Variants in NEU4 observed in about 807,000 individuals in gnomAD.
The protein encoded by NEU4 is sialidase-4.
Under a neutral mutation model 9.9 loss-of-function variants are expected in NEU4, and 7 were observed. That is an observed-to-expected ratio of 0.71 (90% confidence interval 0.40 to 1.33). The LOEUF is 1.33. NEU4 is among the 40% of genes most tolerant of loss of function. NEU4 has a pLI of 0.01. For synonymous variants in NEU4, 348 were observed against 316.9 expected (o/e 1.10, Z -1.04); for missense variants, 717 against 712.6 (o/e 1.01, Z -0.07).
In NEU4 at chr2:241,816,468, G is replaced by C; in HGVS notation, c.875G>C (p.Arg292Pro). ...GFPAPAPNRP[R>P]DDSWSVGPGS... ...CCAGCCCCCGCCCCCAACAGGCCACGGGATGACAGTTGGTCAGTGGGCCCC... is the reference window on the plus strand; with the variant it reads ...CCAGCCCCCGCCCCCAACAGGCCACCGGATGACAGTTGGTCAGTGGGCCCC... Residue 292 changes from arginine (R) to proline (P), a missense_variant, in exon 4 of 4, where the codon CGG (arginine) becomes CCG (proline). Transcript: ENST00000407683. The C allele has an allele frequency of 6.2e-7, 1 of 1,609,632 alleles. No homozygotes were observed. Among genetic ancestry groups the C allele is most frequent in the Non-Finnish European group, 8.5e-7 (1 of 1,179,016 alleles).
At chr2:241,812,089 G>A (rs1476527658) in intron 1 of NEU4, 1 of 148,440 alleles carries the variant, frequency 6.7e-6, no homozygotes, top group Non-Finnish European at 1.5e-5. Context: ...CCCAGAGGGT[G>A]TGCGTGGACC....
Position 241,816,443 on chromosome 2 carries a change from C to G in NEU4, c.850C>G (p.Pro284Ala), listed in dbSNP as rs775418758. Reference sequence around the variant, plus strand: ...CTGCCAGGGCAGCATCGTGGGCTTCCCAGCCCCCGCCCCCAACAGGCCACG... The same window carrying G: ...CTGCCAGGGCAGCATCGTGGGCTTCGCAGCCCCCGCCCCCAACAGGCCACG... ...WGCQGSIVGF[P>A]APAPNRPRDD... The change falls in exon 4 of 4, where the codon CCA (proline) becomes GCA (alanine). Residue 284 changes from proline to alanine, a missense_variant. Physicochemically the swap from Pro to Ala is conservative, Grantham distance 27. Transcript: ENST00000407683. 7.3e-5 allele frequency: 118 copies of G among 1,607,900 alleles called. No individual in the cohort carries two copies. Among genetic ancestry groups the G allele is most frequent in the Non-Finnish European group, 9.8e-5 (115 of 1,178,596 alleles).
rs1700293661 is a variant in NEU4 at position 241,815,442 on chromosome 2, T to TCCCTCTCCCCAGGACC, written c.457+295_457+296insCCCTCTCCCCAGGACC. 2.6e-4 allele frequency: 140 copies of TCCCTCTCCCCAGGACC among 529,364 alleles called. 1 individual carries two copies. The highest frequency in any genetic ancestry group is 4.9e-4 in the East Asian group (11 of 22,400). 32.8% of individuals were successfully genotyped at this position (529,364 alleles called of 1,614,324 possible). Reference sequence around the variant, plus strand: ...TCCTGCACCTCCCGTCCCAGGCAAATGGGTATTGATCACCCCCAGTCACCC... The same window carrying TCCCTCTCCCCAGGACC: ...TCCTGCACCTCCCGTCCCAGGCAAATCCCTCTCCCCAGGACCGGGTATTGATCACCCCCAGTCACCC... On this transcript the variant is annotated intron_variant, in intron 3 of 3. Coordinates refer to ENST00000407683, the MANE Select transcript of NEU4 (RefSeq NM_001167600.3).
At position 241,814,966 on chromosome 2, in the gene NEU4, T is replaced by C. The variant is rs762811394; in HGVS notation, c.276T>C (p.Asp92=). The C allele has an allele frequency of 1.9e-6, 3 of 1,611,512 alleles. No homozygotes were observed. The highest frequency in any genetic ancestry group is 1.7e-6 in the Non-Finnish European group (2 of 1,179,802). ...CCATGAACCCCTGCCCTGTGCACGATGCTGGCACGGGCACCGTCTTCCTCT... is the reference window on the plus strand; with the variant it reads ...CCATGAACCCCTGCCCTGTGCACGACGCTGGCACGGGCACCGTCTTCCTCT... ...HRSMNPCPVH[D]AGTGTVFLFF... is the part of the protein sequence containing the mutation. The change falls in exon 3 of 4, where the codon GAT becomes GAC. Residue 92 remains aspartate, a synonymous_variant. Transcript: ENST00000407683.
chr2:241,811,483 C>A, intron 1 of NEU4: 1 of 1,532,802 alleles, frequency 6.5e-7, no homozygotes, highest in Admixed American at 1.9e-5. Context: ...CCCTTTGCAC[C>A]CCCAGCACCC....
At chr2:241,809,305 C>A (rs1318551821) in intron 1 of NEU4, 31 bp downstream of exon 1, 2 of 1,237,126 alleles carry the variant, frequency 1.6e-6, no homozygotes, top group East Asian at 5.6e-5. Context: ...AATTTGGGGT[C>A]TTTCTGGCGA....
chr2:241,811,017 CA>C, intron 1 of NEU4: 1 of 1,045,936 alleles, frequency 9.6e-7, no homozygotes, highest in South Asian at 4.6e-5. Context: ...TGTGCTGTGC[CA>C]GGGGAGGCCC....
Position 241,814,986 on chromosome 2 carries a change from T to C in NEU4, c.296T>C (p.Phe99Ser). ...PVHDAGTGTV[F>S]LFFIAVLGHT... ...CACGATGCTGGCACGGGCACCGTCT[T>C]CCTCTTCTTCATCGCGGTGCTGGGC... The change falls in exon 3 of 4, where the codon TTC (phenylalanine) becomes TCC (serine). Residue 99 changes from phenylalanine to serine, a missense_variant. Phe to Ser is a radical substitution (Grantham distance 155). Coordinates refer to ENST00000407683, the MANE Select transcript of NEU4 (RefSeq NM_001167600.3). 1 of 1,609,688 alleles carries C rather than the reference T, an allele frequency of 6.2e-7. No homozygotes were observed. The highest frequency in any genetic ancestry group is 8.5e-7 in the Non-Finnish European group (1 of 1,179,610).
At chr2:241,815,974 GT>G (rs1474757629) in intron 3 of NEU4, 76 bp from the exon 4 acceptor site, 2 of 1,374,906 alleles carry the variant, frequency 1.5e-6, no homozygotes, top group Non-Finnish European at 1.9e-6. Context: ...CTCCTTCCCC[GT>G]CCCCCTGTGC....
rs1419577918 is a variant in NEU4 at position 241,816,671 on chromosome 2, T to C, written c.1078T>C (p.Trp360Arg). 1 of 1,529,420 alleles carries C rather than the reference T, an allele frequency of 6.5e-7. No individual in the cohort carries two copies. 94.7% of individuals were successfully genotyped at this position (1,529,420 alleles called of 1,614,324 possible). ...TGGGGTCAGTGGGGATGTGGGGTCC[T>C]GGACCCTGGCACTCCCCATGCCCTT... ...RPGVSGDVGSWTLALPMPFAA... is the reference protein window; with the variant it reads ...RPGVSGDVGSRTLALPMPFAA... Residue 360 changes from tryptophan (W) to arginine (R), a missense_variant, in exon 4 of 4, where the codon TGG (tryptophan) becomes CGG (arginine). Coordinates refer to ENST00000407683, the MANE Select transcript of NEU4 (RefSeq NM_001167600.3).
In NEU4 at chr2:241,816,196, CA is replaced by C. The variant is rs745326832; in HGVS notation, c.604del (p.Ser202AlafsTer121). ...RTSPHSFAFYSDDHGRTWRCG... is the reference protein window; with the variant it reads ...RTSPHSFAFYXDDHGRTWRCG... Reference sequence around the variant, plus strand: ...CCAGCCCTCACTCCTTCGCCTTCTACAGCGATGACCACGGCCGCACCTGGCG... The same window carrying C: ...CCAGCCCTCACTCCTTCGCCTTCTACGCGATGACCACGGCCGCACCTGGCG... On this transcript the variant is annotated frameshift_variant, in exon 4 of 4. Transcript: ENST00000407683. LOFTEE classifies it low-confidence loss of function (END_TRUNC). 2 of 1,612,636 alleles carry C rather than the reference CA, an allele frequency of 1.2e-6. No homozygotes were observed. Among genetic ancestry groups the C allele is most frequent in the Non-Finnish European group, 1.7e-6 (2 of 1,179,840 alleles).
rs1700309874 is a variant in NEU4, at chr2:241,815,935, G to T, written c.458-116G>T. 1.2e-5 allele frequency: 12 copies of T among 1,032,646 alleles called. 1 individual carries two copies. In the South Asian group the frequency reaches 1.5e-4, roughly 13 times the overall value. The allele number at this position is 1,032,646 out of a possible 1,614,324, so 64.0% of individuals were successfully genotyped here. A position where few individuals can be genotyped will look rare whatever the true frequency, so the allele number is the denominator to read the frequency against. On this transcript the variant is annotated intron_variant, in intron 3 of 3. Transcript: ENST00000407683. ...AGTCGTGTGGAAGGGCGGTCAGAGT[G>T]CGATGGTCCTAACCCGAGGCACCAG...
Position 241,816,426 on chromosome 2 carries a change from G to A in NEU4, c.833G>A (p.Gly278Asp). The A allele has an allele frequency of 6.2e-7, 1 of 1,606,940 alleles. No homozygotes were observed. Among genetic ancestry groups the A allele is most frequent in the South Asian group, 1.1e-5 (1 of 90,358 alleles). Residue 278 changes from glycine to aspartate, a missense_variant, in exon 4 of 4, where the codon GGC (glycine) becomes GAC (aspartate). Transcript: ENST00000407683. ...CCCGAGACTGCCTGGGGCTGCCAGG[G>A]CAGCATCGTGGGCTTCCCAGCCCCC... ...SLPETAWGCQGSIVGFPAPAP... is the reference protein window; with the variant it reads ...SLPETAWGCQDSIVGFPAPAP...
In NEU4 at chr2:241,812,517, G is replaced by GCCTGGCCACACT. The variant is rs1485305477; in HGVS notation, c.-3-1965_-3-1964insCCTGGCCACACT. On this transcript the variant is annotated intron_variant, in intron 1 of 3. Transcript: ENST00000407683. Reference sequence around the variant, plus strand: ...ACACGGAGGCTCTGTGGAACCCAGGGAACTGGTCACACTGAGGACACGGAG... The same window carrying GCCTGGCCACACT: ...ACACGGAGGCTCTGTGGAACCCAGGGCCTGGCCACACTAACTGGTCACACTGAGGACACGGAG... Among the ~76,000 whole-genome samples, 360 of 145,314 alleles carry GCCTGGCCACACT rather than the reference G, an allele frequency of 2.5e-3. 3 individuals carry two copies. Among genetic ancestry groups the GCCTGGCCACACT allele is most frequent in the Middle Eastern group, 7.3e-3 (2 of 274 alleles).
intron 1 of NEU4, chr2:241,811,104 C>A (rs1303886798): frequency 2.3e-5 from 27 of 1,192,796 alleles, no homozygotes; most frequent in Non-Finnish European, 2.7e-5. Context: ...GAGCAGCAGA[C>A]CCGTGTCCCT....
chr2:241,817,022 C>G lies in NEU4; in HGVS notation c.1429C>G (p.Pro477Ala), dbSNP rs368534062. 1 of 1,600,932 alleles carries G rather than the reference C, an allele frequency of 6.2e-7. No individual in the cohort carries two copies. Among genetic ancestry groups the G allele is most frequent in the African/African-American group, 1.3e-5 (1 of 74,756 alleles). The stretch of plus-strand genomic sequence containing the variant: ...CAAACCGCCCAACCTTGGGGACAAG[C>G]CTCGGGGGTGCTGCTGGCCCTCCTG... The part of the protein sequence containing the change: ...SPKPPNLGDK[P>A]RGCCWPS Residue 477 changes from proline to alanine, a missense_variant, in exon 4 of 4, where the codon CCT (proline) becomes GCT (alanine). Physicochemically the swap from Pro to Ala is conservative, Grantham distance 27 (BLOSUM62 -1). Transcript: ENST00000407683.
At chr2:241,815,997 C>T in intron 3 of NEU4, 54 bp from the exon 4 acceptor site, 1 of 1,494,364 alleles carries the variant, frequency 6.7e-7, no homozygotes, top group Non-Finnish European at 8.9e-7. Context: ...TTCCTCCAGC[C>T]CCCCGACCTC....
In NEU4 at chr2:241,816,222, G is replaced by A. The variant is rs752351712; in HGVS notation, c.629G>A (p.Arg210His). Residue 210 changes from arginine (R) to histidine (H), a missense_variant, in exon 4 of 4, where the codon CGC (arginine) becomes CAC (histidine). Physicochemically the swap from Arg to His is conservative, Grantham distance 29 (BLOSUM62 0). Transcript: ENST00000407683. ...AGCGATGACCACGGCCGCACCTGGC[G>A]CTGTGGAGGCCTCGTGCCCAACCTG... ...FYSDDHGRTW[R>H]CGGLVPNLRS... 19 of 1,611,906 alleles carry A rather than the reference G, an allele frequency of 1.2e-5. No individual in the cohort carries two copies. Among genetic ancestry groups the A allele is most frequent in the African/African-American group, 5.3e-5 (4 of 74,908 alleles).
At chr2:241,811,180 C>A in intron 1 of NEU4, 3 of 1,230,100 alleles carry the variant, frequency 2.4e-6, no homozygotes, top group East Asian at 3.2e-5. Context: ...GAGGGCGCAC[C>A]CCCGTGTCCT....
Sources: allele counts gnomAD v4.1 joint callset (sites outside exome capture counted in the v4.1 genomes callset), GRCh38; gene constraint gnomAD v4.1.1; transcripts MANE v1.5; gene names NCBI Gene and HGNC (gene_info 2026-07-23, HGNC 2026-07-21).